PGM2L1: variants seen among roughly 807,000 people sequenced by gnomAD.
The protein encoded by PGM2L1 is glucose 1,6-bisphosphate synthase.
In PGM2L1, 35 loss-of-function variants were observed where a neutral mutation model predicts 73.4. The observed-to-expected ratio is 0.48, with a 90% CI of 0.36 to 0.63. The LOEUF (loss-of-function observed/expected upper bound fraction) is 0.63. PGM2L1 is among the 30% of genes least tolerant of loss of function. The probability of loss-of-function intolerance (pLI) is 0.00; values close to 1 mark genes in which losing one functional copy is unlikely to be tolerated. For missense variants in PGM2L1, 570 were observed against 742.0 expected, an observed-to-expected ratio of 0.77 and a Z score of 2.69; for synonymous variants, 225 against 253.8, an observed-to-expected ratio of 0.89 and a Z score of 1.08.
At chr11:74,355,952 G>A (rs1251710690) in intron 5 of PGM2L1, among the ~76,000 whole-genome samples, 1 of 152,038 alleles carries the variant, frequency 6.6e-6, no homozygotes, top group African/African-American at 2.4e-5. Context: ...TGTGGAAAGT[G>A]CAAAGCATTC....
chr11:74,374,342 A>G, intron 2 of PGM2L1, 73 bp downstream of exon 2: 1 of 1,323,326 alleles, frequency 7.6e-7, no homozygotes, highest in Non-Finnish European at 1.0e-6. Context: ...TCAGCCTCCC[A>G]AACTGCTGGG....
intron 8 of PGM2L1, 128 bp downstream of exon 8, chr11:74,346,604 G>A: frequency 1.5e-6 from 1 of 670,436 alleles, no homozygotes; most frequent in Non-Finnish European, 2.5e-6. Context: ...GGTTATTTTG[G>A]GATAATGGAT....
intron 5 of PGM2L1, among the ~76,000 whole-genome samples, chr11:74,362,018 C>A (rs902330810): frequency 3.3e-5 from 5 of 152,126 alleles, no homozygotes; most frequent in Non-Finnish European, 7.4e-5. Context: ...GCAAGGCAGG[C>A]CAACATTCAA....
chr11:74,394,516 T>C (rs1207335421), intron 1 of PGM2L1, among the ~76,000 whole-genome samples: 2 of 152,156 alleles, frequency 1.3e-5, no homozygotes, highest in African/African-American at 2.4e-5. Context: ...TCTTGTTGCA[T>C]TGTTTTCTTT....
At chr11:74,392,091 A>G (rs1863111271) in intron 1 of PGM2L1, among the ~76,000 whole-genome samples, 1 of 152,250 alleles carries the variant, frequency 6.6e-6, no homozygotes, top group African/African-American at 2.4e-5. Context: ...CTAAAGCTTT[A>G]AAATACATCA....
intron 2 of PGM2L1, among the ~76,000 whole-genome samples, chr11:74,373,215 A>ATT (rs1352216679): frequency 2.0e-5 from 3 of 152,202 alleles, no homozygotes; most frequent in Non-Finnish European, 4.4e-5. Context: ...AAAGTCAAGA[A>ATT]ATCTTTACTT....
intron 1 of PGM2L1, among the ~76,000 whole-genome samples, chr11:74,384,909 G>A (rs976729616): frequency 1.3e-5 from 2 of 152,094 alleles, no homozygotes; most frequent in Non-Finnish European, 2.9e-5. Flanking sequence ...CTTTTGTCCC[G>A]CTATACTAGC....
At chr11:74,384,680 TTTG>T (rs1386626677) in intron 1 of PGM2L1, among the ~76,000 whole-genome samples, 3 of 152,130 alleles carry the variant, frequency 2.0e-5, no homozygotes, top group Non-Finnish European at 2.9e-5. Flanking sequence ...TGTTTGTTTG[TTTG>T]TTGTTTTGCT....
intron 5 of PGM2L1, among the ~76,000 whole-genome samples, chr11:74,362,987 A>C (rs1307558650): frequency 6.6e-6 from 1 of 152,214 alleles, no homozygotes; most frequent in Non-Finnish European, 1.5e-5. Flanking sequence ...CATACTTGGA[A>C]GTAAAGCACT....
chr11:74,391,714 T>G (rs1245053994), intron 1 of PGM2L1, among the ~76,000 whole-genome samples: 1 of 152,222 alleles, frequency 6.6e-6, no homozygotes, highest in Admixed American at 6.5e-5. Flanking sequence ...TTATTTCCTT[T>G]TTATAGTTTG....
chr11:74,383,006 T>C (rs1369395349), intron 1 of PGM2L1, among the ~76,000 whole-genome samples: 1 of 152,228 alleles, frequency 6.6e-6, no homozygotes, highest in Admixed American at 6.5e-5. Flanking sequence ...AATTTGCCAA[T>C]GTTTTAAGTA....
chr11:74,352,343 T>C (rs1190907466), intron 5 of PGM2L1, among the ~76,000 whole-genome samples: 4 of 152,188 alleles, frequency 2.6e-5, no homozygotes, highest in African/African-American at 9.6e-5. Flanking sequence ...GTCATATTTC[T>C]ATTATAAAGT....
intron 3 of PGM2L1, 100 bp downstream of exon 3, chr11:74,371,611 G>T: frequency 4.7e-6 from 4 of 857,716 alleles, no homozygotes; most frequent in South Asian, 1.5e-5. Flanking sequence ...ATTTCTATCT[G>T]ACAGTCTACT....
At chr11:74,367,878 T>A (rs571080339) in intron 5 of PGM2L1, among the ~76,000 whole-genome samples, 233 of 152,318 alleles carry the variant, frequency 1.5e-3, no homozygotes, top group Non-Finnish European at 2.9e-3. Context: ...AGCATTTAAA[T>A]CTTTCTGCCA....
intron 2 of PGM2L1, among the ~76,000 whole-genome samples, chr11:74,374,052 C>CAAA (rs60395088): frequency 0.022 from 1,831 of 84,466 alleles, 18 homozygotes; most frequent in East Asian, 0.035. Flanking sequence ...TTTATAAAGC[C>CAAA]AAAAAAAAAA....
At chr11:74,354,704 G>C (rs763372857) in intron 5 of PGM2L1, 4 of 1,086,582 alleles carry the variant, frequency 3.7e-6, no homozygotes, top group Non-Finnish European at 5.6e-6. Context: ...GAACCAAAGA[G>C]AGCTGTTTCA....
At position 74,398,230 on chromosome 11, in the gene PGM2L1, G is replaced by T; in HGVS notation, c.-69C>A. On this transcript the variant is annotated 5_prime_UTR_variant, in exon 1 of 14. Coordinates refer to ENST00000298198, the MANE Select transcript of PGM2L1 (RefSeq NM_173582.6). ...GAGTTGGGGTGGGGGGTGGCTTGGG[G>T]TTCGCTCACCAGGGTCCAGGCGTCC... The T allele has an allele frequency of 6.5e-7, 1 of 1,537,236 alleles. No individual in the cohort carries two copies. Among genetic ancestry groups the T allele is most frequent in the Non-Finnish European group, 8.8e-7 (1 of 1,141,680 alleles).
chr11:74,354,849 A>T, intron 5 of PGM2L1: 1 of 869,832 alleles, frequency 1.1e-6, no homozygotes, highest in Non-Finnish European at 1.9e-6. Context: ...AGCGACTGTA[A>T]TCATGACTGA....
intron 9 of PGM2L1, among the ~76,000 whole-genome samples, 167 bp downstream of exon 9, chr11:74,345,302 G>A (rs1250404001): frequency 6.6e-6 from 1 of 151,830 alleles, no homozygotes; most frequent in African/African-American, 2.4e-5. Flanking sequence ...GATGAATTTT[G>A]GCTCAAGGTG....
Sources: gnomAD v4.1 joint callset for allele counts (sites outside exome capture counted in the v4.1 genomes callset) on GRCh38, gnomAD v4.1.1 for gene constraint, MANE v1.5 for transcripts, NCBI Gene and HGNC (gene_info 2026-07-23, HGNC 2026-07-21) for gene names.